The following ST6GAL1 variants were observed in gnomAD, a reference collection of about 807,000 sequenced individuals.
The protein encoded by ST6GAL1 is ST6 beta-galactoside alpha-2,6-sialyltransferase 1, also known as beta-galactoside alpha-2,6-sialyltransferase 1.
Under a neutral mutation model 38.0 loss-of-function variants are expected in ST6GAL1, and 20 were observed. That is an observed-to-expected ratio of 0.53 (90% CI 0.37 to 0.77). The LOEUF (loss-of-function observed/expected upper bound fraction) is 0.77. Ranked by LOEUF, ST6GAL1 falls within the 30% of genes least tolerant of loss-of-function variation. ST6GAL1 has a pLI of 0.00. For synonymous variants in ST6GAL1, 196 were observed against 188.2 expected, an observed-to-expected ratio of 1.04 and a Z score of -0.34; for missense variants, 432 against 496.4, an observed-to-expected ratio of 0.87 and a Z score of 1.23.
At chr3:187,054,734 A>G (rs778544543) in intron 5 of ST6GAL1, among the ~76,000 whole-genome samples, 4 of 152,280 alleles carry the variant, frequency 2.6e-5, no homozygotes, top group African/African-American at 9.6e-5. Flanking sequence ...ATCGATGTTC[A>G]TCAGGGATAT....
intron 2 of ST6GAL1, among the ~76,000 whole-genome samples, chr3:186,969,589 A>G (rs538419950): frequency 9.5e-4 from 144 of 152,336 alleles, no homozygotes; most frequent in Non-Finnish European, 1.0e-3. Flanking sequence ...TTTATTGGAT[A>G]TGCTTTGCAA....
intron 2 of ST6GAL1, among the ~76,000 whole-genome samples, chr3:186,977,784 T>C (rs193200996): frequency 1.2e-4 from 18 of 152,312 alleles, no homozygotes; most frequent in Non-Finnish European, 2.4e-4. Context: ...AATGAAGATA[T>C]TAATAATCAG....
chr3:186,948,612 C>G (rs1714468489), intron 1 of ST6GAL1: 1 of 152,296 alleles, frequency 6.6e-6, no homozygotes, highest in African/African-American at 2.4e-5. Flanking sequence ...CCAGGCTATT[C>G]CATATCGCTG....
chr3:187,023,019 T>C (rs1013113120), intron 2 of ST6GAL1, among the ~76,000 whole-genome samples: 8 of 152,194 alleles, frequency 5.3e-5, no homozygotes, highest in African/African-American at 1.9e-4. Flanking sequence ...CACTTGTACC[T>C]AAACCCCAAA....
intron 2 of ST6GAL1, chr3:186,986,587 C>T (rs1055060537): frequency 6.6e-5 from 10 of 152,266 alleles, no homozygotes; most frequent in African/African-American, 2.2e-4. Context: ...CAGCACTTTT[C>T]GGCAGCTGTA....
chr3:186,993,423 C>T (rs1716244711), intron 2 of ST6GAL1, among the ~76,000 whole-genome samples: 1 of 152,044 alleles, frequency 6.6e-6, no homozygotes, highest in Admixed American at 6.6e-5. Flanking sequence ...AGCGTGTTAG[C>T]GAGATGGAAG....
intron 4 of ST6GAL1, among the ~76,000 whole-genome samples, chr3:187,047,070 C>T (rs1474987893): frequency 6.6e-6 from 1 of 152,072 alleles, no homozygotes; most frequent in Admixed American, 6.5e-5. Context: ...CTCAGCCTCC[C>T]GAGTAGCTGG....
chr3:187,022,681 T>C (rs1717371857), intron 2 of ST6GAL1, among the ~76,000 whole-genome samples: 2 of 152,164 alleles, frequency 1.3e-5, no homozygotes, highest in East Asian at 1.9e-4. Flanking sequence ...AGATGCACGT[T>C]TCCCCCACCA....
chr3:186,972,478 G>C (rs767595226), intron 2 of ST6GAL1, among the ~76,000 whole-genome samples: 4 of 152,008 alleles, frequency 2.6e-5, no homozygotes, highest in Non-Finnish European at 4.4e-5. Context: ...TCAAACTCCT[G>C]ACCTCCTGTG....
At chr3:187,005,184 A>G (rs2108555104) in intron 2 of ST6GAL1, among the ~76,000 whole-genome samples, 1 of 152,166 alleles carries the variant, frequency 6.6e-6, no homozygotes, top group African/African-American at 2.4e-5. Context: ...TACACAAAAC[A>G]GGACTGACCA....
Position 187,058,094 on chromosome 3 carries a change from G to A in ST6GAL1, c.705+6748G>A, listed in dbSNP as rs116322357. On this transcript the variant is annotated intron_variant, in intron 5 of 7. Coordinates refer to ENST00000169298, the MANE Select transcript of ST6GAL1 (RefSeq NM_173216.2). ...GCAAGGCTCCGTGGTCCTGGGACCC[G>A]CTGAGCCAGGCACAGGATATAATCT... 9.9e-3 allele frequency among the ~76,000 whole-genome samples: 1,515 copies of A among 152,320 alleles called. 35 individuals carry two copies. The highest frequency in any genetic ancestry group is 0.034 in the African/African-American group (1,408 of 41,552).
intron 5 of ST6GAL1, among the ~76,000 whole-genome samples, chr3:187,066,340 AAG>A (rs1412821121): frequency 1.3e-5 from 2 of 152,074 alleles, no homozygotes; most frequent in Non-Finnish European, 2.9e-5. Context: ...GCGTGGTGGA[AAG>A]AGAGAGCTCT....
At chr3:187,023,796 A>G (rs547720884) in intron 2 of ST6GAL1, among the ~76,000 whole-genome samples, 110 of 152,124 alleles carry the variant, frequency 7.2e-4, no homozygotes, top group African/African-American at 2.6e-3. Flanking sequence ...ATGATGAGTT[A>G]ATGGGTGCAG....
chr3:187,050,598 G>T (rs1718481855), intron 4 of ST6GAL1, among the ~76,000 whole-genome samples: 1 of 151,472 alleles, frequency 6.6e-6, no homozygotes, highest in African/African-American at 2.4e-5. Flanking sequence ...AGGAAGGAAG[G>T]AAAAGAAGGA....
intron 2 of ST6GAL1, among the ~76,000 whole-genome samples, chr3:187,030,999 G>A (rs1482305362): frequency 6.6e-6 from 1 of 152,190 alleles, no homozygotes; most frequent in African/African-American, 2.4e-5. Context: ...GGTGTCAGGA[G>A]CTAGCTTCAT....
chr3:186,945,099 G>A (rs1300486850), intron 1 of ST6GAL1, among the ~76,000 whole-genome samples: 3 of 152,018 alleles, frequency 2.0e-5, no homozygotes, highest in Admixed American at 6.5e-5. Flanking sequence ...CCTGCGGATC[G>A]CTTGAGGCCA....
At chr3:186,972,618 G>T (rs377609999) in intron 2 of ST6GAL1, among the ~76,000 whole-genome samples, 1 of 152,074 alleles carries the variant, frequency 6.6e-6, no homozygotes, top group African/African-American at 2.4e-5. Context: ...CACACATGAC[G>T]CCACATAACA....
At chr3:187,074,411 T>C in intron 7 of ST6GAL1, 78 bp downstream of exon 7, 12 of 1,419,948 alleles carry the variant, frequency 8.5e-6, no homozygotes, top group Non-Finnish European at 1.1e-5. Flanking sequence ...TCTCATTCAG[T>C]CATTCGTTTG....
At chr3:186,939,649 C>A (rs1714092494) in intron 1 of ST6GAL1, among the ~76,000 whole-genome samples, 2 of 152,212 alleles carry the variant, frequency 1.3e-5, no homozygotes, top group Non-Finnish European at 2.9e-5. Flanking sequence ...CCCAGCCTTC[C>A]CTTCCTGAGA....
Sources: allele counts gnomAD v4.1 joint callset (sites outside exome capture counted in the v4.1 genomes callset), GRCh38; gene constraint gnomAD v4.1.1; transcripts MANE v1.5; gene names NCBI Gene and HGNC (gene_info 2026-07-23, HGNC 2026-07-21).